The following PRSS55 variants were observed in gnomAD, a reference collection of about 807,000 sequenced individuals.
The protein encoded by PRSS55 is probable serine protease UNQ9391/PRO34284.
In PRSS55, 41 loss-of-function variants were observed where a neutral mutation model predicts 23.6. The ratio of observed to expected loss-of-function variants is 1.74; its 90% CI spans 1.35 to 2.26. The LOEUF (loss-of-function observed/expected upper bound fraction) is 2.26. Among genes scored for constraint, PRSS55 ranks in the 30% most tolerant of loss-of-function variants. The pLI is 0.00. For synonymous variants in PRSS55, 262 were observed against 175.5 expected (o/e 1.49, Z -3.90); for missense variants, 669 against 439.1 (o/e 1.52, Z -4.68).
rs1324747872 is a variant in PRSS55 at position 10,525,707 on chromosome 8, C to A, written c.122C>A (p.Pro41His). ...ILGRARGAHR[P>H]QPPHPPSPVS... The stretch of plus-strand genomic sequence containing the variant: ...GGCAGGGCTAGGGGAGCCCACCGCC[C>A]TCAGCCCCCTCATCCCCCCAGCCCA... The change falls in exon 1 of 5, where the codon CCT becomes CAT. Residue 41 changes from proline to histidine, a missense_variant. Transcript: ENST00000328655. 6.2e-7 allele frequency: 1 copy of A among 1,612,452 alleles called. No individual in the cohort carries two copies. The highest frequency in any genetic ancestry group is 1.7e-5 in the Admixed American group (1 of 59,728).
chr8:10,547,678 T>A (rs1402439817), intron 4 of PRSS55: 1 of 151,036 alleles, frequency 6.6e-6, no homozygotes, highest in East Asian at 2.0e-4. Flanking sequence ...TTCCCACTCC[T>A]TTTTCCTCCT....
At chr8:10,527,148 T>C (rs1413272002) in intron 1 of PRSS55, among the ~76,000 whole-genome samples, 1 of 152,246 alleles carries the variant, frequency 6.6e-6, no homozygotes, top group Non-Finnish European at 1.5e-5. Context: ...ACTTTTTCAC[T>C]CAATTTTATG....
chr8:10,531,176 A>T, intron 2 of PRSS55, 119 bp from the exon 3 acceptor site: 2 of 1,225,072 alleles, frequency 1.6e-6, no homozygotes, highest in East Asian at 2.3e-5. Context: ...CAACAGCCCC[A>T]GTAGGGTTTA....
At position 10,535,908 on chromosome 8, in the gene PRSS55, C is replaced by T. The variant is rs552094002; in HGVS notation, c.742-2568C>T. Among the ~76,000 whole-genome samples, 102 of 152,268 alleles carry T rather than the reference C, an allele frequency of 6.7e-4. 1 individual carries two copies. The highest frequency in any genetic ancestry group is 2.1e-4 in the South Asian group (1 of 4,816). On this transcript the variant is annotated intron_variant, in intron 4 of 4. Coordinates refer to ENST00000328655, the MANE Select transcript of PRSS55 (RefSeq NM_198464.4). ...CTCATTAAAAAATGGGCAGAGGGGC[C>T]GGGAGCGGTGGTTCACGCCTCTAAT... is the stretch of plus-strand genomic sequence containing the variant.
downstream of PRSS55, among the ~76,000 whole-genome samples, chr8:10,542,898 G>T: frequency 1.9e-5 from 2 of 106,062 alleles, no homozygotes; most frequent in South Asian, 3.2e-4. Flanking sequence ...AAAAAAAAAA[G>T]ACAACCTCTT....
chr8:10,529,686 TC>T lies in PRSS55; in HGVS notation c.336del (p.Glu113ArgfsTer8). ...WILTAAHCLY[S>X]EELFPEELSV... The stretch of plus-strand genomic sequence containing the variant: ...TCTCACTGCGGCTCACTGCTTATAT[TC>T]CGAGGAGCTGTTGTAAGTACCATGG... On this transcript the variant is annotated frameshift_variant, in exon 2 of 5. Transcript: ENST00000328655. LOFTEE classifies it high-confidence loss of function. The T allele has an allele frequency of 6.2e-7, 1 of 1,613,700 alleles. No individual in the cohort carries two copies.
At chr8:10,529,808 C>T in intron 2 of PRSS55, 109 bp downstream of exon 2, 1 of 1,112,368 alleles carries the variant, frequency 9.0e-7, no homozygotes, top group Non-Finnish European at 1.3e-6. Flanking sequence ...TGCTCGGTAT[C>T]CAGTCGGCAT....
At chr8:10,532,855 T>A in intron 3 of PRSS55, 51 bp from the exon 4 acceptor site, 4 of 1,610,586 alleles carry the variant, frequency 2.5e-6, no homozygotes, top group Non-Finnish European at 1.7e-6. Flanking sequence ...ATCACGAACG[T>A]GGGGACATGA....
At chr8:10,526,803 C>T (rs1812040001) in intron 1 of PRSS55, among the ~76,000 whole-genome samples, 1 of 152,218 alleles carries the variant, frequency 6.6e-6, no homozygotes, top group Non-Finnish European at 1.5e-5. Flanking sequence ...TCATTTCATC[C>T]ACACATCAGT....
intron 4 of PRSS55, among the ~76,000 whole-genome samples, chr8:10,548,050 G>A (rs1320306905): frequency 6.6e-6 from 1 of 152,134 alleles, no homozygotes; most frequent in African/African-American, 2.4e-5. Flanking sequence ...AGGACAGGAG[G>A]CTCAGGACAG....
rs577849830 is a variant in PRSS55, at chr8:10,529,422, G to C, written c.155-85G>C. 121 of 1,376,642 alleles carry C rather than the reference G, an allele frequency of 8.8e-5. No individual in the cohort carries two copies. In the Middle Eastern group the frequency reaches 1.6e-3, roughly 19 times the overall value. The allele number at this position is 1,376,642 out of a possible 1,614,324, so 85.3% of individuals were successfully genotyped here. The stretch of plus-strand genomic sequence containing the variant: ...GATGAGGATATCCACTTGGAAGCCT[G>C]CTCCTCCCAGCCCGGTCCCCAGCTC... On this transcript the variant is annotated intron_variant, in intron 1 of 4. Coordinates refer to ENST00000328655, the MANE Select transcript of PRSS55 (RefSeq NM_198464.4).
intron 4 of PRSS55, among the ~76,000 whole-genome samples, chr8:10,549,888 A>G (rs1812913713): frequency 6.6e-6 from 1 of 152,176 alleles, no homozygotes; most frequent in African/African-American, 2.4e-5. Flanking sequence ...AATGATGCAT[A>G]GAGAAGCACT....
chr8:10,549,889 G>C (rs4532564), intron 4 of PRSS55, among the ~76,000 whole-genome samples: 41,836 of 152,148 alleles, frequency 0.27, 6,698 homozygotes, highest in East Asian at 0.42. Context: ...ATGATGCATA[G>C]AGAAGCACTG....
rs1412643844 is a variant in PRSS55, at chr8:10,525,565, C to G, written c.-21C>G. 1.2e-6 allele frequency: 2 copies of G among 1,606,394 alleles called. No homozygotes were observed. Among genetic ancestry groups the G allele is most frequent in the South Asian group, 2.2e-5 (2 of 90,482 alleles). On this transcript the variant is annotated 5_prime_UTR_variant, in exon 1 of 5. Coordinates refer to ENST00000328655, the MANE Select transcript of PRSS55 (RefSeq NM_198464.4). ...AGCCCTGGCCTCTGTCACCCCCGGG[C>G]CCACAGCACAGCCCAGGGCCATGCT... is the stretch of plus-strand genomic sequence containing the variant.
At position 10,553,948 on chromosome 8, in the gene PRSS55, C is replaced by A. The variant is rs1236642117; in HGVS notation, c.747C>A (p.Ser249Arg). ...ATTTAATTTTTTTTTTAAAGCAAAG[C>A]TATTTTCCCACTTTACAAAGAATGA... The change falls in exon 5 of 5, where the codon AGC becomes AGA. Residue 249 changes from serine (S) to arginine (R), a missense_variant. Physicochemically the swap from Ser to Arg is moderately radical, Grantham distance 110. Coordinates refer to the PRSS55 transcript ENST00000522210. 3 of 1,517,370 alleles carry A rather than the reference C, an allele frequency of 2.0e-6. No individual in the cohort carries two copies. In the East Asian group the frequency reaches 7.4e-5, roughly 37 times the overall value. The allele number at this position is 1,517,370 out of a possible 1,614,324, so 94.0% of individuals were successfully genotyped here.
At chr8:10,552,209 C>G (rs1184309122) in intron 4 of PRSS55, among the ~76,000 whole-genome samples, 1 of 152,246 alleles carries the variant, frequency 6.6e-6, no homozygotes, top group Non-Finnish European at 1.5e-5. Flanking sequence ...GAGCCCGTTT[C>G]TAACTTACTG....
chr8:10,531,328 C>G lies in PRSS55; in HGVS notation c.381C>G (p.Asn127Lys). The G allele has an allele frequency of 6.2e-7, 1 of 1,614,126 alleles. No individual in the cohort carries two copies. The highest frequency in any genetic ancestry group is 8.5e-7 in the Non-Finnish European group (1 of 1,180,030). ...PEELSVVLGTNDLTSPSMEIK... is the reference protein window; with the variant it reads ...PEELSVVLGTKDLTSPSMEIK... ...AACTGAGTGTCGTGCTGGGGACCAA[C>G]GACTTAACTAGCCCATCCATGGAAA... The change falls in exon 3 of 5, where the codon AAC becomes AAG. Residue 127 changes from asparagine to lysine, a missense_variant. Transcript: ENST00000328655.
At chr8:10,548,652 A>G (rs977782476) in intron 4 of PRSS55, among the ~76,000 whole-genome samples, 2 of 152,018 alleles carry the variant, frequency 1.3e-5, no homozygotes, top group Non-Finnish European at 2.9e-5. Context: ...TCTCCTGCGG[A>G]AGCAGACGAG....
intron 1 of PRSS55, among the ~76,000 whole-genome samples, chr8:10,527,766 C>G (rs906429421): frequency 4.6e-5 from 7 of 152,160 alleles, no homozygotes; most frequent in African/African-American, 1.4e-4. Context: ...TCAGTTGTCT[C>G]AATTACAAAG....
Sources: gnomAD v4.1 joint callset for allele counts (sites outside exome capture counted in the v4.1 genomes callset) on GRCh38, gnomAD v4.1.1 for gene constraint, MANE v1.5 for transcripts, NCBI Gene and HGNC (gene_info 2026-07-23, HGNC 2026-07-21) for gene names.